FOXN3: variants seen among roughly 807,000 people sequenced by gnomAD.
FOXN3 encodes forkhead box N3.
Under a neutral mutation model 38.4 loss-of-function variants are expected in FOXN3, and 7 were observed. That is an observed-to-expected ratio of 0.18 (90% CI 0.10 to 0.34). The LOEUF is 0.34. FOXN3 is among the 10% of genes least tolerant of loss of function. The pLI is 1.00. For missense variants in FOXN3, 456 were observed against 613.4 expected (o/e 0.74, Z 2.71); for synonymous variants, 230 against 242.2 (o/e 0.95, Z 0.47).
intron 3 of FOXN3, chr14:89,291,192 G>C: frequency 2.2e-6 from 1 of 456,010 alleles, no homozygotes. Flanking sequence ...GCCAAGGGCA[G>C]GGAGGCTTTT....
intron 1 of FOXN3, among the ~76,000 whole-genome samples, chr14:89,587,959 G>T (rs1489174135): frequency 6.6e-6 from 1 of 150,456 alleles, no homozygotes; most frequent in Non-Finnish European, 1.5e-5. Context: ...TTTTGTTTTA[G>T]CATCTGATAT....
chr14:89,168,825 T>C (rs1887310575), intron 5 of FOXN3, among the ~76,000 whole-genome samples: 2 of 152,148 alleles, frequency 1.3e-5, no homozygotes, highest in African/African-American at 2.4e-5. Flanking sequence ...AGTCAAACTT[T>C]AGAGCAGACA....
chr14:89,377,465 C>A (rs533924962), intron 2 of FOXN3, among the ~76,000 whole-genome samples: 2 of 152,214 alleles, frequency 1.3e-5, no homozygotes, highest in African/African-American at 4.8e-5. Context: ...TGTCTTTGTT[C>A]TGAGCTTCAT....
Position 89,190,441 on chromosome 14 carries a change from T to C in FOXN3, c.746-9635A>G, listed in dbSNP as rs764752021. ...AGCATCATGGCACTGGCAGCATCAA[T>C]GTCAGGATCTGGAAAAATCAACCAA... is the stretch of plus-strand genomic sequence containing the variant. On this transcript the variant is annotated intron_variant, in intron 4 of 5. Transcript: ENST00000557258. 49 of 1,613,896 alleles carry C rather than the reference T, an allele frequency of 3.0e-5. 1 individual carries two copies. The South Asian group carries it at 5.3e-4, about 17-fold the overall frequency.
chr14:89,469,552 T>G (rs1467519028), intron 1 of FOXN3, among the ~76,000 whole-genome samples: 1 of 152,242 alleles, frequency 6.6e-6, no homozygotes, highest in Non-Finnish European at 1.5e-5. Flanking sequence ...GTGACTGGGC[T>G]TTCGTTTTCT....
intron 3 of FOXN3, 66 bp downstream of exon 3, chr14:89,350,606 C>T (rs1000148332): frequency 6.1e-5 from 81 of 1,320,204 alleles, no homozygotes; most frequent in Admixed American, 8.9e-5. Context: ...AATTAATTTC[C>T]GCGCAGGTCT....
At chr14:89,180,417 C>T (rs555305536) in intron 5 of FOXN3, among the ~76,000 whole-genome samples, 1 of 152,160 alleles carries the variant, frequency 6.6e-6, no homozygotes, top group Non-Finnish European at 1.5e-5. Flanking sequence ...CTTCTGTTTT[C>T]TTCTGCCCAC....
intron 2 of FOXN3, among the ~76,000 whole-genome samples, chr14:89,368,330 CAA>C (rs35347785): frequency 2.3e-3 from 320 of 136,692 alleles, no homozygotes; most frequent in Middle Eastern, 4.0e-3. Flanking sequence ...AACTCTGTCT[CAA>C]AAAAAAAAAA....
At chr14:89,183,326 A>T (rs1453121483) in intron 4 of FOXN3, among the ~76,000 whole-genome samples, 1 of 152,196 alleles carries the variant, frequency 6.6e-6, no homozygotes, top group East Asian at 1.9e-4. Flanking sequence ...AAATATTTAA[A>T]ATCTCTAATA....
At chr14:89,242,679 G>A (rs546741408) in intron 4 of FOXN3, among the ~76,000 whole-genome samples, 4 of 152,192 alleles carry the variant, frequency 2.6e-5, no homozygotes, top group African/African-American at 4.8e-5. Flanking sequence ...AAATGCCCGC[G>A]ACTTAATGCT....
At chr14:89,464,151 C>A (rs1161672536) in intron 1 of FOXN3, among the ~76,000 whole-genome samples, 1 of 152,154 alleles carries the variant, frequency 6.6e-6, no homozygotes, top group Non-Finnish European at 1.5e-5. Context: ...CCAGTCTCCT[C>A]CAGATTTCTC....
At position 89,567,923 on chromosome 14, in the gene FOXN3, C is replaced by T. The variant is rs191132089; in HGVS notation, c.-15+51105G>A. Reference sequence around the variant, plus strand: ...ACATTTAGTAGAGACGGGGTTTCACCGTGTTAGCCAGGATGGTCTTGATCT... The same window carrying T: ...ACATTTAGTAGAGACGGGGTTTCACTGTGTTAGCCAGGATGGTCTTGATCT... On this transcript the variant is annotated intron_variant, in intron 1 of 6. Coordinates refer to the FOXN3 transcript ENST00000345097. 3.2e-3 allele frequency among the ~76,000 whole-genome samples: 493 copies of T among 151,898 alleles called. 4 individuals are homozygous for T. Among genetic ancestry groups the T allele is most frequent in the African/African-American group, 0.011 (457 of 41,428 alleles).
intron 1 of FOXN3, among the ~76,000 whole-genome samples, chr14:89,544,743 C>CG (rs1894853436): frequency 1.3e-5 from 2 of 152,258 alleles, no homozygotes; most frequent in South Asian, 4.2e-4. Flanking sequence ...CTCCATCTAA[C>CG]GGAGACAGCT....
At chr14:89,578,980 C>T (rs553615284) in intron 1 of FOXN3, among the ~76,000 whole-genome samples, 1 of 151,862 alleles carries the variant, frequency 6.6e-6, no homozygotes, top group East Asian at 1.9e-4. Context: ...CCTGAGTATC[C>T]GGGACTATAG....
intron 1 of FOXN3, among the ~76,000 whole-genome samples, chr14:89,464,987 C>T (rs542238424): frequency 1.3e-5 from 2 of 152,266 alleles, no homozygotes; most frequent in South Asian, 2.1e-4. Flanking sequence ...TGAGCCACCG[C>T]ACCTGACTTC....
chr14:89,450,495 T>G (rs1892592622), intron 1 of FOXN3, among the ~76,000 whole-genome samples: 1 of 152,158 alleles, frequency 6.6e-6, no homozygotes, highest in Admixed American at 6.5e-5. Flanking sequence ...ACACCTGGAC[T>G]TAAGTGTCTT....
chr14:89,423,562 T>C (rs1367575327), intron 1 of FOXN3, among the ~76,000 whole-genome samples: 3 of 152,110 alleles, frequency 2.0e-5, no homozygotes, highest in Non-Finnish European at 4.4e-5. Flanking sequence ...TTTATAAATC[T>C]TACAACTCAA....
At chr14:89,269,013 C>A (rs1192528829) in intron 4 of FOXN3, among the ~76,000 whole-genome samples, 1 of 152,226 alleles carries the variant, frequency 6.6e-6, no homozygotes, top group South Asian at 2.1e-4. Context: ...AGCACACAAT[C>A]GACCTTTATA....
chr14:89,413,253 C>T (rs181664298), intron 1 of FOXN3, among the ~76,000 whole-genome samples: 98 of 152,286 alleles, frequency 6.4e-4, no homozygotes, highest in African/African-American at 2.3e-3. Flanking sequence ...CTCTCCGTAG[C>T]GCTAAAACAA....
Sources: allele counts gnomAD v4.1 joint callset (sites outside exome capture counted in the v4.1 genomes callset), GRCh38; gene constraint gnomAD v4.1.1; transcripts MANE v1.5; gene names NCBI Gene and HGNC (gene_info 2026-07-23, HGNC 2026-07-21).